WDFY3: variants seen among roughly 807,000 people sequenced by gnomAD.
The protein encoded by WDFY3 is WD repeat and FYVE domain-containing protein 3.
WDFY3 carries 66 observed loss-of-function variants against 409.6 expected under a neutral mutation model. The observed-to-expected ratio is 0.16, with a 90% CI of 0.13 to 0.20. The LOEUF (loss-of-function observed/expected upper bound fraction) is 0.20. Among genes scored for constraint, WDFY3 ranks in the 10% least tolerant of loss-of-function variants. The pLI is 1.00. For missense variants in WDFY3, 3,031 were observed against 4,298.1 expected, an observed-to-expected ratio of 0.71 and a Z score of 8.24; for synonymous variants, 1,521 against 1,537.1, an observed-to-expected ratio of 0.99 and a Z score of 0.25.
intron 16 of WDFY3, among the ~76,000 whole-genome samples, chr4:84,802,321 C>T (rs1345236663): frequency 2.0e-5 from 3 of 147,310 alleles, no homozygotes; most frequent in Non-Finnish European, 4.5e-5. Flanking sequence ...TGTGTGATCT[C>T]GGCTCTCGGC....
intron 2 of WDFY3, among the ~76,000 whole-genome samples, chr4:84,921,743 C>T (rs1579136142): frequency 1.3e-5 from 2 of 148,706 alleles, no homozygotes; most frequent in South Asian, 4.3e-4. Flanking sequence ...CTGCAACCTC[C>T]ACCTCCTGGG....
chr4:84,937,734 A>G (rs1771609100), intron 1 of WDFY3, among the ~76,000 whole-genome samples: 1 of 152,118 alleles, frequency 6.6e-6, no homozygotes, highest in Non-Finnish European at 1.5e-5. Flanking sequence ...AAGAACCTAT[A>G]AAATTTGGCC....
chr4:84,911,763 A>C (rs1201009240), intron 2 of WDFY3, among the ~76,000 whole-genome samples: 3 of 150,452 alleles, frequency 2.0e-5, no homozygotes, highest in Non-Finnish European at 4.4e-5. Flanking sequence ...GTCTATTTTT[A>C]TCATTTTTTA....
chr4:84,846,509 T>C (rs1450650715), intron 5 of WDFY3, among the ~76,000 whole-genome samples: 2 of 151,490 alleles, frequency 1.3e-5, no homozygotes, highest in Non-Finnish European at 2.9e-5. Flanking sequence ...ATCTCCACTG[T>C]AGCAAAATAT....
intron 18 of WDFY3, among the ~76,000 whole-genome samples, chr4:84,797,557 CTTATTTATTTATTTATTTAT>C (rs71670883): frequency 6.9e-6 from 1 of 145,638 alleles, no homozygotes; most frequent in African/African-American, 2.5e-5. Context: ...CAACTCAATT[CTTATTTATTTATTTATTTAT>C]TTATTTATTT....
At chr4:84,737,549 T>A (rs1013149363) in intron 40 of WDFY3, among the ~76,000 whole-genome samples, 183 bp from the exon 41 acceptor site, 1 of 152,036 alleles carries the variant, frequency 6.6e-6, no homozygotes, top group Non-Finnish European at 1.5e-5. Flanking sequence ...ACTGAAACTG[T>A]GGTTGCCTAT....
Position 84,846,308 on chromosome 4 carries a change from G to T in WDFY3, c.304+3594C>A, listed in dbSNP as rs181432163. ...GAGGAAAAGTGGATGAAGGGCACAT[G>T]ATCCTAGCTACTATTTTTGAAATTT... On this transcript the variant is annotated intron_variant, in intron 5 of 67. Transcript: ENST00000295888. Among the ~76,000 whole-genome samples the T allele has an allele frequency of 2.0e-5, 3 of 152,176 alleles. No individual in the cohort carries two copies. The East Asian group carries it at 5.8e-4, about 29-fold the overall frequency.
intron 43 of WDFY3, among the ~76,000 whole-genome samples, chr4:84,734,775 T>C (rs1162576750): frequency 6.6e-6 from 1 of 152,214 alleles, no homozygotes; most frequent in Non-Finnish European, 1.5e-5. Context: ...ACATGTAACA[T>C]ATCAGTAGTG....
intron 41 of WDFY3, among the ~76,000 whole-genome samples, chr4:84,736,952 T>A (rs1737544727): frequency 6.6e-6 from 1 of 150,942 alleles, no homozygotes; most frequent in African/African-American, 2.4e-5. Flanking sequence ...TGCATTACAT[T>A]CTGAATGCAT....
rs376766235 is a variant in WDFY3, at chr4:84,813,365, C to G, written c.1888-3021G>C. ...GTAAGTCAGTTGTTAAACGTACAAT[C>G]ATAATTAAAAATTAAGTAACAAATT... On this transcript the variant is annotated intron_variant, in intron 13 of 67. Transcript: ENST00000295888. 2.3e-4 allele frequency among the ~76,000 whole-genome samples: 35 copies of G among 152,186 alleles called. No individual in the cohort carries two copies. The East Asian group carries it at 3.1e-3, about 13-fold the overall frequency.
At chr4:84,770,934 C>T (rs1396109297) in intron 30 of WDFY3, among the ~76,000 whole-genome samples, 2 of 152,116 alleles carry the variant, frequency 1.3e-5, no homozygotes, top group African/African-American at 4.8e-5. Context: ...TAGCAATTTG[C>T]TTCTGACTTT....
chr4:84,939,278 AGAG>A (rs1168804323), intron 1 of WDFY3, among the ~76,000 whole-genome samples: 2 of 152,192 alleles, frequency 1.3e-5, no homozygotes, highest in African/African-American at 4.8e-5. Flanking sequence ...AGAATACTAC[AGAG>A]GAGATGATGT....
intron 32 of WDFY3, among the ~76,000 whole-genome samples, chr4:84,764,458 C>A (rs1010575064): frequency 3.3e-5 from 5 of 152,274 alleles, no homozygotes; most frequent in Admixed American, 3.3e-4. Flanking sequence ...CTTTAGAAAT[C>A]ATTTCACTGT....
At chr4:84,849,569 T>TAA (rs5859953) in intron 5 of WDFY3, 4,764 of 109,990 alleles carry the variant, frequency 0.043, 148 homozygotes, top group African/African-American at 0.051. Context: ...CAGGGTATGC[T>TAA]AAAAAAAAAA....
chr4:84,678,264 C>T lies in WDFY3; in HGVS notation c.10163G>A (p.Arg3388Gln), dbSNP rs1578100359. 8 of 1,613,840 alleles carry T rather than the reference C, an allele frequency of 5.0e-6. No individual in the cohort carries two copies. The highest frequency in any genetic ancestry group is 1.3e-5 in the African/African-American group (1 of 74,910). The change falls in exon 66 of 68, where the codon CGG becomes CAG. Residue 3388 changes from arginine to glutamine, a missense_variant. By Grantham distance (43) the Arg-to-Gln change is conservative. Transcript: ENST00000295888. ...SRLKPGYRWE[R>Q]QLVFRSKLTM... Reference sequence around the variant, plus strand: ...CAGCTTACTCCTGAACACCAGCTGCCGTTCCCATCGGTACCCTGGAATGGA... The same window carrying T: ...CAGCTTACTCCTGAACACCAGCTGCTGTTCCCATCGGTACCCTGGAATGGA...
At chr4:84,829,674 G>A (rs755998923) in intron 8 of WDFY3, among the ~76,000 whole-genome samples, 3 of 151,910 alleles carry the variant, frequency 2.0e-5, no homozygotes, top group Non-Finnish European at 2.9e-5. Context: ...GGGTATGGTG[G>A]CACGCGCCTG....
chr4:84,816,655 A>C (rs1753342627), intron 13 of WDFY3, among the ~76,000 whole-genome samples: 1 of 152,130 alleles, frequency 6.6e-6, no homozygotes, highest in Non-Finnish European at 1.5e-5. Flanking sequence ...TACTAAATTC[A>C]CTTCTAAATG....
Position 84,822,568 on chromosome 4 carries a change from A to G in WDFY3, c.1124-1017T>C, listed in dbSNP as rs577171325. 4.6e-5 allele frequency among the ~76,000 whole-genome samples: 7 copies of G among 152,078 alleles called. No individual in the cohort carries two copies. The East Asian group carries it at 1.4e-3, about 29-fold the overall frequency. ...AAAAAATTTAGCTGGGGATGGTGGCATGTGCCTGTAGTTCTAGCTACTCAG... is the reference window on the plus strand; with the variant it reads ...AAAAAATTTAGCTGGGGATGGTGGCGTGTGCCTGTAGTTCTAGCTACTCAG... On this transcript the variant is annotated intron_variant, in intron 10 of 67. Transcript: ENST00000295888.
At chr4:84,686,339 A>AAAAAAC (rs948269533) in intron 62 of WDFY3, among the ~76,000 whole-genome samples, 1 of 151,920 alleles carries the variant, frequency 6.6e-6, no homozygotes, top group African/African-American at 2.4e-5. Context: ...ATAAAACCCC[A>AAAAAAC]AAAAACAAAA....
Sources: gnomAD v4.1 joint callset for allele counts (sites outside exome capture counted in the v4.1 genomes callset) on GRCh38, gnomAD v4.1.1 for gene constraint, MANE v1.5 for transcripts, NCBI Gene and HGNC (gene_info 2026-07-23, HGNC 2026-07-21) for gene names.